ST7: variants seen among roughly 807,000 people sequenced by gnomAD.
ST7 encodes suppression of tumorigenicity 7, also known as suppressor of tumorigenicity 7 protein.
ST7 carries 28 observed loss-of-function variants against 78.7 expected under a neutral mutation model. The ratio of observed to expected loss-of-function variants is 0.36; its 90% CI spans 0.26 to 0.49. The LOEUF (loss-of-function observed/expected upper bound fraction) is 0.49. Among genes scored for constraint, ST7 ranks in the 20% least tolerant of loss-of-function variants. The pLI is 0.99. For synonymous variants in ST7, 247 were observed against 249.6 expected (o/e 0.99, Z 0.10); for missense variants, 418 against 696.0 (o/e 0.60, Z 4.49).
At chr7:117,216,590 G>C (rs6466601) in intron 13 of ST7, among the ~76,000 whole-genome samples, 18,364 of 152,130 alleles carry the variant, frequency 0.12, 3,545 homozygotes, top group African/African-American at 0.41. Context: ...AGCAGTGAAA[G>C]GGACCAGGAG....
chr7:117,063,290 T>G (rs1038807752), intron 1 of ST7, among the ~76,000 whole-genome samples: 1 of 152,230 alleles, frequency 6.6e-6, no homozygotes, highest in Non-Finnish European at 1.5e-5. Flanking sequence ...TTCCAATTCT[T>G]TTTTTGCTTT....
At chr7:117,070,162 T>A (rs964479411) in intron 1 of ST7, among the ~76,000 whole-genome samples, 2 of 152,202 alleles carry the variant, frequency 1.3e-5, no homozygotes, top group African/African-American at 4.8e-5. Context: ...TCAGGACATT[T>A]GGTGATGGAA....
chr7:117,222,142 G>T, intron 15 of ST7, 80 bp downstream of exon 15: 1 of 1,485,736 alleles, frequency 6.7e-7, no homozygotes, highest in Non-Finnish European at 8.9e-7. Context: ...GAGAAATGGG[G>T]TTGCCTTACA....
chr7:117,204,911 C>T (rs1290470422), intron 12 of ST7, among the ~76,000 whole-genome samples: 1 of 151,966 alleles, frequency 6.6e-6, no homozygotes, highest in Non-Finnish European at 1.5e-5. Flanking sequence ...AATAAAAATG[C>T]TTATTACAAG....
intron 1 of ST7, chr7:116,968,462 CCTT>C (rs1443964219): frequency 1.5e-5 from 7 of 452,758 alleles, no homozygotes; most frequent in African/African-American, 6.0e-5. Flanking sequence ...TCTGCCTCAA[CCTT>C]CTGATTATTT....
chr7:117,015,347 C>T (rs759420438), intron 1 of ST7, among the ~76,000 whole-genome samples: 40 of 152,200 alleles, frequency 2.6e-4, no homozygotes, highest in Non-Finnish European at 4.8e-4. Context: ...TCAGATTATT[C>T]CACACAGGGA....
intron 1 of ST7, among the ~76,000 whole-genome samples, chr7:117,087,103 A>G (rs1800209838): frequency 6.6e-6 from 1 of 152,208 alleles, no homozygotes; most frequent in Non-Finnish European, 1.5e-5. Flanking sequence ...TTGAACTGTT[A>G]GAGAATATAA....
At chr7:116,992,581 C>T (rs555090270) in intron 1 of ST7, among the ~76,000 whole-genome samples, 1 of 152,384 alleles carries the variant, frequency 6.6e-6, no homozygotes, top group South Asian at 2.1e-4. Flanking sequence ...CCTCCTAGAC[C>T]TCCAGGTCTG....
At chr7:116,986,044 G>C (rs1404401717) in intron 1 of ST7, among the ~76,000 whole-genome samples, 2 of 152,222 alleles carry the variant, frequency 1.3e-5, no homozygotes, top group African/African-American at 4.8e-5. Flanking sequence ...TGTTGGCCAG[G>C]CTGGTCTCAA....
In ST7 at chr7:117,004,149, T is replaced by G. The variant is rs537803112; in HGVS notation, c.151+50458T>G. On this transcript the variant is annotated intron_variant, in intron 1 of 15. Transcript: ENST00000323984. ...ATTTTTGACAGAAAAATATGTTGACTTGATCCAGATGGAAAATGATTATCT... is the reference window on the plus strand; with the variant it reads ...ATTTTTGACAGAAAAATATGTTGACGTGATCCAGATGGAAAATGATTATCT... Among the ~76,000 whole-genome samples the G allele has an allele frequency of 7.9e-5, 12 of 152,378 alleles. No individual in the cohort carries two copies. The South Asian group carries it at 2.5e-3, about 32-fold the overall frequency.
chr7:117,027,732 A>C (rs1796282044), intron 1 of ST7, among the ~76,000 whole-genome samples: 1 of 152,082 alleles, frequency 6.6e-6, no homozygotes, highest in Non-Finnish European at 1.5e-5. Context: ...TGAATGAATG[A>C]TATAAAATAA....
chr7:117,107,603 CTTTTTTTTTT>C (rs71528121), intron 2 of ST7, among the ~76,000 whole-genome samples: 3 of 73,582 alleles, frequency 4.1e-5, no homozygotes, highest in African/African-American at 6.2e-5. Flanking sequence ...TAGCCCACTT[CTTTTTTTTTT>C]TTTTTTTTTT....
rs35640208 is a variant in ST7 at position 116,961,555 on chromosome 7, C to CGTGTGTGTGTGTGTGT, written c.151+7888_151+7903dup. Among the ~76,000 whole-genome samples the CGTGTGTGTGTGTGTGT allele has an allele frequency of 3.7e-3, 510 of 138,480 alleles. 3 individuals are homozygous for CGTGTGTGTGTGTGTGT. Among genetic ancestry groups the CGTGTGTGTGTGTGTGT allele is most frequent in the African/African-American group, 0.013 (466 of 37,010 alleles). The allele number at this position is 138,480 out of a possible 152,430, so 90.8% of individuals were successfully genotyped here. The stretch of plus-strand genomic sequence containing the variant: ...ACCTCCATGGTTAGCTGTATTCCTA[C>CGTGTGTGTGTGTGTGT]GTGTGTGTGTGTGTGTGTGTGTGTG... On this transcript the variant is annotated intron_variant, in intron 1 of 15. Coordinates refer to ENST00000323984, the MANE Select transcript of ST7 (RefSeq NM_001369598.1).
chr7:117,200,352 C>T (rs2117473780), intron 12 of ST7, among the ~76,000 whole-genome samples: 1 of 152,194 alleles, frequency 6.6e-6, no homozygotes, highest in Admixed American at 6.5e-5. Context: ...TTTTTGAGGT[C>T]CCACCCATAG....
intron 1 of ST7, among the ~76,000 whole-genome samples, chr7:117,017,762 A>T (rs756642829): frequency 2.0e-5 from 3 of 152,184 alleles, no homozygotes; most frequent in African/African-American, 4.8e-5. Context: ...GAGAACTGGA[A>T]TGAACTAAAC....
intron 12 of ST7, among the ~76,000 whole-genome samples, chr7:117,191,476 A>G (rs185161579): frequency 6.7e-6 from 1 of 149,716 alleles, no homozygotes; most frequent in Non-Finnish European, 1.5e-5. Flanking sequence ...TATTAACCAC[A>G]TGGTTGACCA....
At chr7:116,976,725 T>C (rs987057960) in intron 1 of ST7, among the ~76,000 whole-genome samples, 5 of 152,202 alleles carry the variant, frequency 3.3e-5, no homozygotes, top group Non-Finnish European at 7.3e-5. Context: ...GGATTAGAAT[T>C]CTAGTACAGG....
chr7:116,954,066 G>C (rs1024043317), intron 1 of ST7: 2 of 151,892 alleles, frequency 1.3e-5, no homozygotes, highest in Non-Finnish European at 2.9e-5. Context: ...AACTCCGAGG[G>C]TTCCCCGGAG....
chr7:117,203,098 C>T (rs1223705416), intron 12 of ST7, among the ~76,000 whole-genome samples: 2 of 152,148 alleles, frequency 1.3e-5, no homozygotes, highest in African/African-American at 2.4e-5. Flanking sequence ...AGTTCAAACC[C>T]AGGTTGCTCA....
Sources: gnomAD v4.1 joint callset for allele counts (sites outside exome capture counted in the v4.1 genomes callset) on GRCh38, gnomAD v4.1.1 for gene constraint, MANE v1.5 for transcripts, NCBI Gene and HGNC (gene_info 2026-07-23, HGNC 2026-07-21) for gene names.